ANKRD44: variants seen among roughly 807,000 people sequenced by gnomAD.
ANKRD44 encodes the protein serine/threonine-protein phosphatase 6 regulatory ankyrin repeat subunit B.
ANKRD44 carries 35 observed loss-of-function variants against 116.0 expected under a neutral mutation model. The ratio of observed to expected loss-of-function variants is 0.30; its 90% confidence interval spans 0.23 to 0.40. ANKRD44 has a LOEUF of 0.40. Ranked by LOEUF, ANKRD44 falls within the 10% of genes least tolerant of loss-of-function variation. The probability of loss-of-function intolerance (pLI) is 1.00; values close to 1 mark genes in which losing one functional copy is unlikely to be tolerated. For synonymous variants in ANKRD44, 435 were observed against 461.8 expected, an observed-to-expected ratio of 0.94 and a Z score of 0.74; for missense variants, 1,014 against 1,242.6, an observed-to-expected ratio of 0.82 and a Z score of 2.77.
Position 197,083,483 on chromosome 2 carries a change from T to C in ANKRD44, c.1343A>G (p.Asn448Ser), listed in dbSNP as rs761900032. 9.3e-6 allele frequency: 15 copies of C among 1,613,484 alleles called. No individual in the cohort carries two copies. The highest frequency in any genetic ancestry group is 1.3e-5 in the Non-Finnish European group (15 of 1,179,740). ...TGTCTCAATACAGTGGAAATGACAA[T>C]TCGCAGCTGCATAGTGCAAAGGGGT... ...GRTPLHYAAANCHFHCIETLV... is the reference protein window; with the variant it reads ...GRTPLHYAAASCHFHCIETLV... Residue 448 changes from asparagine to serine, a missense_variant, in exon 14 of 28, where the codon AAT becomes AGT. Transcript: ENST00000282272.
chr2:196,969,545 T>C (rs1456020215), intron 21 of ANKRD44, among the ~76,000 whole-genome samples: 2 of 152,224 alleles, frequency 1.3e-5, no homozygotes, highest in East Asian at 3.8e-4. Context: ...GAACATTTTA[T>C]CTCTATCACA....
intron 9 of ANKRD44, among the ~76,000 whole-genome samples, chr2:197,108,580 T>A (rs2078489169): frequency 6.6e-6 from 1 of 152,184 alleles, no homozygotes; most frequent in Non-Finnish European, 1.5e-5. Context: ...GGCTCACACC[T>A]GTTAGCCCAG....
At chr2:197,066,007 T>C (rs902961394) in intron 16 of ANKRD44, among the ~76,000 whole-genome samples, 1 of 152,166 alleles carries the variant, frequency 6.6e-6, no homozygotes, top group African/African-American at 2.4e-5. Flanking sequence ...TTTAGACCAA[T>C]ATCCCTGACA....
In ANKRD44 at chr2:197,005,830, C is replaced by T; in HGVS notation, c.2211G>A (p.Arg737=). ...GAGCAGCTGCATAGTGCAAGGGCGT[C>T]CTCCCTCTGGAATCTTTACAGAGAA... ...VSILCKDSRG[R]TPLHYAAARG... Residue 737 remains arginine, a synonymous_variant, in exon 21 of 28, where the codon AGG becomes AGA. Coordinates refer to ENST00000282272, the MANE Select transcript of ANKRD44 (RefSeq NM_001195144.2). The T allele has an allele frequency of 5.0e-6, 8 of 1,614,278 alleles. No homozygotes were observed. Among genetic ancestry groups the T allele is most frequent in the Non-Finnish European group, 6.8e-6 (8 of 1,180,056 alleles).
chr2:196,972,312 G>T (rs997787874), intron 21 of ANKRD44, among the ~76,000 whole-genome samples: 1 of 152,002 alleles, frequency 6.6e-6, no homozygotes, highest in South Asian at 2.1e-4. Flanking sequence ...CAAGCAATTC[G>T]CATGCCTCAG....
chr2:197,282,788 A>G (rs753372177), intron 1 of ANKRD44, among the ~76,000 whole-genome samples: 1 of 152,166 alleles, frequency 6.6e-6, no homozygotes, highest in Non-Finnish European at 1.5e-5. Flanking sequence ...GCGAAACCCC[A>G]TCTCTACTAA....
chr2:197,008,057 T>C (rs1471903443), intron 19 of ANKRD44, 134 bp from the exon 20 acceptor site: 2 of 651,776 alleles, frequency 3.1e-6, no homozygotes, highest in Non-Finnish European at 5.3e-6. Flanking sequence ...TTTCTAAGTG[T>C]CCCCAGTTTG....
intron 1 of ANKRD44, among the ~76,000 whole-genome samples, chr2:197,257,339 A>G (rs991560020): frequency 2.0e-4 from 30 of 151,958 alleles, no homozygotes; most frequent in African/African-American, 7.3e-5. Flanking sequence ...GTATTCTTTA[A>G]AAAACAAATT....
rs2078027905 is a variant in ANKRD44, at chr2:197,090,872, C to G, written c.1101-840G>C. Among the ~76,000 whole-genome samples, 4 of 152,180 alleles carry G rather than the reference C, an allele frequency of 2.6e-5. No homozygotes were observed. In the South Asian group the frequency reaches 8.3e-4, roughly 32 times the overall value. ...AATCTGGCCAGAGACAGCTGGACTT[C>G]AGGGGAAGATTATCTACCCATCCCA... On this transcript the variant is annotated intron_variant, in intron 10 of 27. Transcript: ENST00000282272.
chr2:197,073,900 T>C (rs2125106972), intron 16 of ANKRD44, among the ~76,000 whole-genome samples: 1 of 152,352 alleles, frequency 6.6e-6, no homozygotes, highest in East Asian at 1.9e-4. Flanking sequence ...ATGTTCTATT[T>C]TAACACATCC....
At chr2:197,194,488 C>G (rs564287966) in intron 1 of ANKRD44, among the ~76,000 whole-genome samples, 2 of 152,278 alleles carry the variant, frequency 1.3e-5, no homozygotes, top group South Asian at 4.1e-4. Flanking sequence ...GTGACGAAGT[C>G]TAATGATTTG....
At chr2:197,117,192 CT>C (rs61047799) in intron 8 of ANKRD44, among the ~76,000 whole-genome samples, 139,464 of 152,124 alleles carry the variant, frequency 0.92, 64,376 homozygotes, top group East Asian at 0.98. Flanking sequence ...CACCACCTTT[CT>C]TTGCCGGATT....
In ANKRD44 at chr2:197,093,112, A is replaced by ACC. The variant is rs1411160815; in HGVS notation, c.1101-3081_1101-3080insGG. On this transcript the variant is annotated intron_variant, in intron 10 of 27. Transcript: ENST00000282272. ...TAAATACATACAAACACACACACAC[A>ACC]CACACACACACATATGTTCATATAC... Among the ~76,000 whole-genome samples the ACC allele has an allele frequency of 5.4e-5, 8 of 148,996 alleles. No homozygotes were observed. In the East Asian group the frequency reaches 1.4e-3, roughly 26 times the overall value.
At chr2:197,006,303 G>T (rs2076201441) in intron 20 of ANKRD44, among the ~76,000 whole-genome samples, 3 of 152,090 alleles carry the variant, frequency 2.0e-5, no homozygotes, top group Non-Finnish European at 4.4e-5. Context: ...AAATTAGCCT[G>T]GCATGGTCGT....
rs145397898 is a variant in ANKRD44, at chr2:197,046,323, C to T, written c.1651-21056G>A. 7.9e-3 allele frequency among the ~76,000 whole-genome samples: 1,204 copies of T among 152,200 alleles called. 14 individuals are homozygous for T. The highest frequency in any genetic ancestry group is 8.9e-3 in the Non-Finnish European group (602 of 68,014). ...AAGCAGAATATTAAGGCTTTTGATTCGTAATCGGCAAAATCTTTCTAGTAA... is the reference window on the plus strand; with the variant it reads ...AAGCAGAATATTAAGGCTTTTGATTTGTAATCGGCAAAATCTTTCTAGTAA... On this transcript the variant is annotated intron_variant, in intron 16 of 27. Transcript: ENST00000282272.
chr2:197,286,491 C>T (rs2083410956), intron 1 of ANKRD44, among the ~76,000 whole-genome samples: 1 of 151,796 alleles, frequency 6.6e-6, no homozygotes, highest in African/African-American at 2.4e-5. Flanking sequence ...CCTCCTGTCT[C>T]AGCCTCCCCA....
At chr2:197,239,888 C>G (rs1217712382) in intron 1 of ANKRD44, among the ~76,000 whole-genome samples, 1 of 152,128 alleles carries the variant, frequency 6.6e-6, no homozygotes, top group African/African-American at 2.4e-5. Flanking sequence ...ACTAATGCAA[C>G]CAATCTGCTT....
At chr2:197,164,063 T>C (rs150931798) in intron 2 of ANKRD44, among the ~76,000 whole-genome samples, 2 of 152,054 alleles carry the variant, frequency 1.3e-5, no homozygotes, top group Non-Finnish European at 2.9e-5. Flanking sequence ...CCTCAAGAAT[T>C]TCCCAGAAGG....
chr2:197,141,469 T>C (rs2079365072), intron 3 of ANKRD44, among the ~76,000 whole-genome samples: 4 of 152,204 alleles, frequency 2.6e-5, no homozygotes, highest in Admixed American at 1.3e-4. Flanking sequence ...TTTAGTTTTA[T>C]GCAGATCCAA....
Sources: gnomAD v4.1 joint callset for allele counts (sites outside exome capture counted in the v4.1 genomes callset) on GRCh38, gnomAD v4.1.1 for gene constraint, MANE v1.5 for transcripts, NCBI Gene and HGNC (gene_info 2026-07-23, HGNC 2026-07-21) for gene names.